TICRR: variants seen among roughly 807,000 people sequenced by gnomAD.
The protein encoded by TICRR is treslin.
In TICRR, 132 loss-of-function variants were observed where a neutral mutation model predicts 178.1. The observed-to-expected ratio is 0.74, with a 90% CI of 0.64 to 0.86. The LOEUF is 0.86. Ranked by LOEUF, TICRR falls within the 40% of genes least tolerant of loss-of-function variation. The pLI, the probability that TICRR is intolerant of heterozygous loss-of-function variation, is 0.00. For missense variants in TICRR, 2,587 were observed against 2,334.3 expected, an observed-to-expected ratio of 1.11 and a Z score of -2.23; for synonymous variants, 991 against 900.7, an observed-to-expected ratio of 1.10 and a Z score of -1.79.
intron 17 of TICRR, among the ~76,000 whole-genome samples, chr15:89,619,152 A>G (rs1336820960): frequency 6.6e-6 from 1 of 152,064 alleles, no homozygotes; most frequent in Non-Finnish European, 1.5e-5. Flanking sequence ...TATTATTTCT[A>G]TATAAATGCA....
In TICRR at chr15:89,576,212, A is replaced by G. The variant is rs766270036; in HGVS notation, c.626A>G (p.Tyr209Cys). The G allele has an allele frequency of 1.9e-6, 3 of 1,591,992 alleles. No homozygotes were observed. Among genetic ancestry groups the G allele is most frequent in the East Asian group, 2.2e-5 (1 of 44,748 alleles). Residue 209 changes from tyrosine (Y) to cysteine (C), a missense_variant, in exon 1 of 22, where the codon TAC becomes TGC. Physicochemically the swap from Tyr to Cys is radical, Grantham distance 194 (BLOSUM62 -2). Coordinates refer to ENST00000268138, the MANE Select transcript of TICRR (RefSeq NM_152259.4). ...ATGGTCGCCCGAAAAATCACCTTCT[A>G]CTGGGTGGATACCACCGAATGGTCT... ...EVMVARKITF[Y>C]WVDTTEWSKL...
rs752064596 is a variant in TICRR at position 89,625,325 on chromosome 15, A to G, written c.5015A>G (p.Lys1672Arg). The G allele has an allele frequency of 1.3e-5, 21 of 1,613,928 alleles. No homozygotes were observed. In the East Asian group the frequency reaches 4.0e-4, roughly 31 times the overall value. Residue 1672 changes from lysine to arginine, a missense_variant, in exon 20 of 22, where the codon AAG becomes AGG. Physicochemically the swap from Lys to Arg is conservative, Grantham distance 26. Transcript: ENST00000268138. The stretch of plus-strand genomic sequence containing the variant: ...GGGGTTCCTTGGACACCATCCCCCA[A>G]GCACAGTGGGAAGACAACTCCAGAC... ...TDGVPWTPSP[K>R]HSGKTTPDII... is the part of the protein sequence containing the mutation.
intron 19 of TICRR, 123 bp downstream of exon 19, chr15:89,621,673 A>T: frequency 1.3e-6 from 1 of 799,480 alleles, no homozygotes; most frequent in Non-Finnish European, 1.9e-6. Context: ...TAGAGATTGG[A>T]GGTGACTGGG....
Position 89,619,720 on chromosome 15 carries a change from G to A in TICRR, c.3032G>A (p.Arg1011Lys). The A allele has an allele frequency of 6.2e-7, 1 of 1,610,942 alleles. No individual in the cohort carries two copies. Among genetic ancestry groups the A allele is most frequent in the Non-Finnish European group, 8.5e-7 (1 of 1,179,166 alleles). ...SPEKGDEISL[R>K]RSPRIKQLSF... ...TCTGATTTTACAGAAATAAGTCTGA[G>A]ACGAAGTCCTCGAATCAAGCAGTTG... Residue 1011 changes from arginine (R) to lysine (K), a missense_variant, in exon 18 of 22, where the codon AGA becomes AAA. Physicochemically the swap from Arg to Lys is conservative, Grantham distance 26. Coordinates refer to ENST00000268138, the MANE Select transcript of TICRR (RefSeq NM_152259.4).
rs1008219862 is a variant in TICRR at position 89,623,790 on chromosome 15, C to T, written c.3480C>T (p.Ser1160=). 4 of 1,613,848 alleles carry T rather than the reference C, an allele frequency of 2.5e-6. No homozygotes were observed. The highest frequency in any genetic ancestry group is 2.7e-5 in the African/African-American group (2 of 74,854). ...CTTTTAAGGAGTCCTTAAAAGACTC[C>T]TCCTCACCCGGCCATGACTCACCAT... ...QAAFKESLKD[S]SSPGHDSPLD... The change falls in exon 20 of 22, where the codon TCC becomes TCT. Residue 1160 remains serine (S), a synonymous_variant. Transcript: ENST00000268138.
At chr15:89,595,294 A>AT in intron 6 of TICRR, 99 bp from the exon 7 acceptor site, 1 of 842,340 alleles carries the variant, frequency 1.2e-6, no homozygotes, top group Non-Finnish European at 1.9e-6. Context: ...GATATGCTTC[A>AT]TTTTGATATT....
chr15:89,600,770 C>A, intron 9 of TICRR, 85 bp downstream of exon 9: 2 of 622,834 alleles, frequency 3.2e-6, no homozygotes, highest in Non-Finnish European at 5.4e-6. Flanking sequence ...TTGTTCGTGA[C>A]ATGGTGGCTC....
chr15:89,609,098 ATCTTTTTTTT>A, intron 15 of TICRR, 149 bp downstream of exon 15: 1 of 167,370 alleles, frequency 6.0e-6, no homozygotes, highest in African/African-American at 5.9e-5. Flanking sequence ...AATTTTGTTA[ATCTTTTTTTT>A]TTTTTTTTTT....
intron 2 of TICRR, among the ~76,000 whole-genome samples, chr15:89,583,852 C>G (rs1466307389): frequency 1.3e-5 from 2 of 151,968 alleles, no homozygotes; most frequent in Admixed American, 6.6e-5. Context: ...ACACCTGGCT[C>G]ATTTTTGTAT....
chr15:89,617,836 C>T (rs111677987), intron 16 of TICRR, among the ~76,000 whole-genome samples: 8 of 152,176 alleles, frequency 5.3e-5, no homozygotes, highest in East Asian at 1.9e-4. Context: ...GGACTACAGG[C>T]GCATGCCACC....
rs115860712 is a variant in TICRR, at chr15:89,601,816, G to A, written c.2407G>A (p.Val803Ile). 1,193 of 1,614,132 alleles carry A rather than the reference G, an allele frequency of 7.4e-4. 8 individuals carry two copies. In the African/African-American group the frequency reaches 0.013, roughly 17 times the overall value. The change falls in exon 12 of 22, where the codon GTC (valine) becomes ATC (isoleucine). Residue 803 changes from valine to isoleucine, a missense_variant. Coordinates refer to ENST00000268138, the MANE Select transcript of TICRR (RefSeq NM_152259.4). ...GFVIPQKLAG[V>I]LPTDFFSDDS... is the part of the protein sequence containing the mutation. ...TGTGATTCCTCAGAAGCTGGCTGGT[G>A]TCCTTCCTACAGATTTTTTCAGTGA...
At chr15:89,609,579 C>G (rs1350745497) in intron 15 of TICRR, among the ~76,000 whole-genome samples, 1 of 151,950 alleles carries the variant, frequency 6.6e-6, no homozygotes, top group Non-Finnish European at 1.5e-5. Context: ...GGTTCAAGCG[C>G]TTCTCCTACC....
rs576704248 is a variant in TICRR at position 89,584,943 on chromosome 15, A to G, written c.1176+416A>G. On this transcript the variant is annotated intron_variant, in intron 3 of 21. Transcript: ENST00000268138. ...GTTGTGTAACTATATACAATGTAATATAATTGTCTGTGTAACTCAGCAGTT... is the reference window on the plus strand; with the variant it reads ...GTTGTGTAACTATATACAATGTAATGTAATTGTCTGTGTAACTCAGCAGTT... Among the ~76,000 whole-genome samples the G allele has an allele frequency of 2.0e-5, 3 of 152,384 alleles. No homozygotes were observed. The East Asian group carries it at 5.8e-4, about 29-fold the overall frequency.
At chr15:89,614,047 C>T (rs951333073) in intron 15 of TICRR, among the ~76,000 whole-genome samples, 6 of 151,794 alleles carry the variant, frequency 4.0e-5, no homozygotes, top group Admixed American at 1.3e-4. Flanking sequence ...CTGGTTACTC[C>T]GGAGGCTGAG....
At chr15:89,577,599 CTTTTTTTTTTTT>C (rs71151513) in intron 1 of TICRR, among the ~76,000 whole-genome samples, 5 of 60,874 alleles carry the variant, frequency 8.2e-5, no homozygotes, top group Admixed American at 2.9e-4. Context: ...GAGGGAAGGC[CTTTTTTTTTTTT>C]TTTTTTTTTT....
Position 89,625,187 on chromosome 15 carries a change from GCCC to G in TICRR, c.4880_4882del (p.Pro1627del), listed in dbSNP as rs1010106138. The G allele has an allele frequency of 7.4e-6, 12 of 1,612,938 alleles. No individual in the cohort carries two copies. The highest frequency in any genetic ancestry group is 5.3e-5 in the African/African-American group (4 of 74,838). ...GAACCCACCTATGTGTCACCCCCCT[GCCC>G]CCGCCTCTCCCACAGCACACCTGGC... On this transcript the variant is annotated inframe_deletion, in exon 20 of 22. Transcript: ENST00000268138.
chr15:89,616,909 G>C (rs1963344556), intron 16 of TICRR, among the ~76,000 whole-genome samples: 1 of 152,238 alleles, frequency 6.6e-6, no homozygotes, highest in Non-Finnish European at 1.5e-5. Context: ...GTTATTGTCT[G>C]AAAGTTTTCT....
chr15:89,610,414 T>C (rs1481790770), intron 15 of TICRR, among the ~76,000 whole-genome samples: 1 of 152,214 alleles, frequency 6.6e-6, no homozygotes, highest in Non-Finnish European at 1.5e-5. Context: ...TGTCAATAAT[T>C]ATTATGTCTT....
rs757820580 is a variant in TICRR, at chr15:89,624,290, A to T, written c.3980A>T (p.Lys1327Ile). ...GTCTCCAAGAAGAGTCCATTTAGGAAATCTAAAATAGAGTGTCCTTCCCCA... is the reference window on the plus strand; with the variant it reads ...GTCTCCAAGAAGAGTCCATTTAGGATATCTAAAATAGAGTGTCCTTCCCCA... The part of the protein sequence containing the change: ...CDVSKKSPFR[K>I]SKIECPSPGE... The change falls in exon 20 of 22, where the codon AAA becomes ATA. Residue 1327 changes from lysine to isoleucine, a missense_variant. By Grantham distance (102) the Lys-to-Ile change is moderately radical. Transcript: ENST00000268138. 1.7e-5 allele frequency: 28 copies of T among 1,614,098 alleles called. No homozygotes were observed. The highest frequency in any genetic ancestry group is 2.3e-5 in the Non-Finnish European group (27 of 1,180,050).
Sources: allele counts gnomAD v4.1 joint callset (sites outside exome capture counted in the v4.1 genomes callset), GRCh38; gene constraint gnomAD v4.1.1; transcripts MANE v1.5; gene names NCBI Gene and HGNC (gene_info 2026-07-23, HGNC 2026-07-21).